CSMD1: variants seen among roughly 807,000 people sequenced by gnomAD.
The protein encoded by CSMD1 is CUB and sushi domain-containing protein 1.
A neutral mutation model predicts 417.5 loss-of-function variants in CSMD1; 213 were observed. The ratio of observed to expected loss-of-function variants is 0.51; its 90% CI spans 0.46 to 0.57. CSMD1 has a LOEUF of 0.57. Among genes scored for constraint, CSMD1 ranks in the 20% least tolerant of loss-of-function variants. The probability of loss-of-function intolerance (pLI) is 0.00; values close to 1 mark genes in which losing one functional copy is unlikely to be tolerated. For missense variants in CSMD1, 6,923 were observed against 4,529.7 expected (o/e 1.53, Z -15.17); for synonymous variants, 2,862 against 1,736.8 (o/e 1.65, Z -16.11).
chr8:3,539,002 G>C (rs1563134431), intron 10 of CSMD1, among the ~76,000 whole-genome samples: 1 of 152,134 alleles, frequency 6.6e-6, no homozygotes, highest in Non-Finnish European at 1.5e-5. Flanking sequence ...TCATTGAAGT[G>C]AAAATAAAAT....
chr8:4,983,521 A>T (rs1388266579), intron 1 of CSMD1, among the ~76,000 whole-genome samples: 1 of 152,180 alleles, frequency 6.6e-6, no homozygotes, highest in African/African-American at 2.4e-5. Flanking sequence ...GCAAGCAAGA[A>T]TAACACTTTT....
chr8:3,970,802 G>T (rs995786807), intron 5 of CSMD1, among the ~76,000 whole-genome samples: 1 of 151,982 alleles, frequency 6.6e-6, no homozygotes, highest in African/African-American at 2.4e-5. Context: ...ACCCAGGCTG[G>T]AGTCCAGGGG....
At chr8:3,571,085 A>T (rs920834818) in intron 10 of CSMD1, among the ~76,000 whole-genome samples, 1 of 152,220 alleles carries the variant, frequency 6.6e-6, no homozygotes, top group African/African-American at 2.4e-5. Context: ...AGTCTTTTAA[A>T]ACTCTGTAAT....
chr8:4,469,402 G>A (rs888086867), intron 2 of CSMD1, among the ~76,000 whole-genome samples: 5 of 152,150 alleles, frequency 3.3e-5, no homozygotes, highest in African/African-American at 4.8e-5. Context: ...TCAGCATTCT[G>A]CCGTATTTTC....
At chr8:4,736,832 G>C (rs965220403) in intron 1 of CSMD1, among the ~76,000 whole-genome samples, 4 of 152,138 alleles carry the variant, frequency 2.6e-5, no homozygotes, top group South Asian at 2.1e-4. Flanking sequence ...TGTCTGATTT[G>C]TGGGGTAAGA....
intron 10 of CSMD1, among the ~76,000 whole-genome samples, chr8:3,544,356 T>G (rs942845740): frequency 2.6e-5 from 4 of 152,136 alleles, no homozygotes; most frequent in Admixed American, 1.3e-4. Flanking sequence ...TCACAAACCC[T>G]TGTAGCAAAG....
intron 2 of CSMD1, among the ~76,000 whole-genome samples, chr8:4,423,769 G>A (rs1051504298): frequency 1.3e-5 from 2 of 151,970 alleles, no homozygotes; most frequent in Admixed American, 6.6e-5. Context: ...CATTTTGCGA[G>A]AGAAGAATAA....
chr8:3,142,381 G>C, intron 41 of CSMD1, 84 bp downstream of exon 41: 1 of 1,206,378 alleles, frequency 8.3e-7, no homozygotes, highest in South Asian at 1.3e-5. Flanking sequence ...CTTGGAACCA[G>C]TTAGGGAGAT....
chr8:3,920,604 T>G (rs896539191), intron 5 of CSMD1, among the ~76,000 whole-genome samples: 3 of 152,108 alleles, frequency 2.0e-5, no homozygotes, highest in Non-Finnish European at 4.4e-5. Flanking sequence ...TGTACATTAG[T>G]TATGGGCTTG....
intron 6 of CSMD1, among the ~76,000 whole-genome samples, chr8:3,736,498 G>A (rs1796527557): frequency 6.6e-6 from 1 of 152,140 alleles, no homozygotes; most frequent in African/African-American, 2.4e-5. Context: ...TCCCTCCTCA[G>A]CTTCCCAAAT....
intron 5 of CSMD1, among the ~76,000 whole-genome samples, chr8:3,964,485 G>A (rs1043597225): frequency 1.3e-5 from 2 of 152,136 alleles, no homozygotes; most frequent in Non-Finnish European, 2.9e-5. Flanking sequence ...TGCCGCATTT[G>A]TATTCTCTTT....
chr8:4,287,057 G>T (rs1797099498), intron 3 of CSMD1, among the ~76,000 whole-genome samples: 1 of 152,142 alleles, frequency 6.6e-6, no homozygotes, highest in Non-Finnish European at 1.5e-5. Context: ...GTACACTAAG[G>T]CTTAGTAACT....
chr8:3,822,198 A>G (rs1344374300), intron 5 of CSMD1, among the ~76,000 whole-genome samples: 1 of 152,078 alleles, frequency 6.6e-6, no homozygotes, highest in African/African-American at 2.4e-5. Flanking sequence ...TAGTCACTTC[A>G]TTCCTTGACT....
intron 11 of CSMD1, among the ~76,000 whole-genome samples, chr8:3,472,077 T>G (rs1050945238): frequency 3.3e-5 from 5 of 152,048 alleles, no homozygotes; most frequent in Non-Finnish European, 7.4e-5. Context: ...CATCGTCCTC[T>G]CCCTTCGTGT....
chr8:4,712,257 G>C (rs1808354172), intron 1 of CSMD1, among the ~76,000 whole-genome samples: 1 of 152,140 alleles, frequency 6.6e-6, no homozygotes, highest in Non-Finnish European at 1.5e-5. Flanking sequence ...TTCAAAATTG[G>C]CTGAGGATAC....
At chr8:3,741,802 G>A (rs943509340) in intron 6 of CSMD1, among the ~76,000 whole-genome samples, 4 of 152,098 alleles carry the variant, frequency 2.6e-5, no homozygotes, top group South Asian at 2.1e-4. Flanking sequence ...GACCCTCCAT[G>A]GCCCTTCTAC....
At chr8:3,640,595 C>A (rs763748901) in intron 7 of CSMD1, among the ~76,000 whole-genome samples, 62 of 152,184 alleles carry the variant, frequency 4.1e-4, no homozygotes, top group Non-Finnish European at 7.1e-4. Flanking sequence ...TGAACCACTA[C>A]AAAATCAAAG....
chr8:3,275,830 C>G (rs952609931), intron 26 of CSMD1, among the ~76,000 whole-genome samples: 12 of 151,978 alleles, frequency 7.9e-5, no homozygotes, highest in Admixed American at 3.3e-4. Flanking sequence ...ATACATTCTT[C>G]TAAACTTTTT....
chr8:4,078,687 T>C (rs1799959832), intron 3 of CSMD1, among the ~76,000 whole-genome samples: 1 of 151,338 alleles, frequency 6.6e-6, no homozygotes, highest in African/African-American at 2.4e-5. Flanking sequence ...GTATTCTTGC[T>C]AATAAATGTT....
Sources: gnomAD v4.1 joint callset for allele counts (sites outside exome capture counted in the v4.1 genomes callset) on GRCh38, gnomAD v4.1.1 for gene constraint, MANE v1.5 for transcripts, NCBI Gene and HGNC (gene_info 2026-07-23, HGNC 2026-07-21) for gene names.